OSBPL10: variants seen among roughly 807,000 people sequenced by gnomAD.
OSBPL10 encodes oxysterol-binding protein-related protein 10.
In OSBPL10, 49 loss-of-function variants were observed where a neutral mutation model predicts 81.7. The ratio of observed to expected loss-of-function variants is 0.60; its 90% CI spans 0.48 to 0.76. OSBPL10 has a LOEUF of 0.76. Among genes scored for constraint, OSBPL10 ranks in the 30% least tolerant of loss-of-function variants. OSBPL10 has a pLI of 0.00. For synonymous variants in OSBPL10, 419 were observed against 383.6 expected, an observed-to-expected ratio of 1.09 and a Z score of -1.08; for missense variants, 923 against 987.8, an observed-to-expected ratio of 0.93 and a Z score of 0.88.
chr3:31,678,252 T>C (rs968077611), intron 8 of OSBPL10, among the ~76,000 whole-genome samples: 1 of 151,970 alleles, frequency 6.6e-6, no homozygotes, highest in African/African-American at 2.4e-5. Flanking sequence ...GTGGCTTAAG[T>C]GAAACGGCTA....
intron 6 of OSBPL10, among the ~76,000 whole-genome samples, chr3:31,725,088 T>C (rs1696765128): frequency 6.6e-6 from 1 of 152,186 alleles, no homozygotes; most frequent in Non-Finnish European, 1.5e-5. Flanking sequence ...ACAGAATAAT[T>C]ATAACTATTA....
intron 1 of OSBPL10, among the ~76,000 whole-genome samples, chr3:31,884,995 T>G (rs1251393826): frequency 6.6e-6 from 1 of 152,180 alleles, no homozygotes; most frequent in Non-Finnish European, 1.5e-5. Context: ...AAAGCCATCT[T>G]AATTCTCACC....
chr3:31,775,199 G>A (rs1424422430), intron 4 of OSBPL10, among the ~76,000 whole-genome samples: 2 of 152,010 alleles, frequency 1.3e-5, no homozygotes, highest in African/African-American at 4.8e-5. Context: ...GCTGTGGAAG[G>A]AAGTGCTAGA....
chr3:31,810,169 C>T (rs1457794770), intron 4 of OSBPL10, among the ~76,000 whole-genome samples: 2 of 152,018 alleles, frequency 1.3e-5, no homozygotes, highest in South Asian at 2.1e-4. Context: ...CCGCACCTCG[C>T]CCCCTCTGAC....
chr3:31,744,400 G>T (rs1207876409), intron 5 of OSBPL10, among the ~76,000 whole-genome samples: 2 of 151,898 alleles, frequency 1.3e-5, no homozygotes, highest in South Asian at 4.2e-4. Context: ...AATTAGCCAG[G>T]CATGGTGGGC....
chr3:31,721,755 T>A (rs1696651165), intron 6 of OSBPL10: 1 of 152,180 alleles, frequency 6.6e-6, no homozygotes, highest in African/African-American at 2.4e-5. Context: ...ATACTTCATA[T>A]CTACAAATAA....
At position 31,915,195 on chromosome 3, in the gene OSBPL10, C is replaced by CG. The variant is rs771611439; in HGVS notation, c.282-35366_282-35365insC. ...TTAATAAATAGCCATTGAATGGTAA[C>CG]AGGGGGGAAAAAAAACCATTACCAT... is the stretch of plus-strand genomic sequence containing the variant. On this transcript the variant is annotated intron_variant, in intron 1 of 11. Coordinates refer to ENST00000396556, the MANE Select transcript of OSBPL10 (RefSeq NM_017784.5). Among the ~76,000 whole-genome samples, 658 of 150,886 alleles carry CG rather than the reference C, an allele frequency of 4.4e-3. 14 individuals are homozygous for CG. The highest frequency in any genetic ancestry group is 0.013 in the East Asian group (63 of 5,040).
At chr3:31,681,485 T>C (rs1700640603) in intron 8 of OSBPL10, among the ~76,000 whole-genome samples, 1 of 152,220 alleles carries the variant, frequency 6.6e-6, no homozygotes. Flanking sequence ...GACTTTATTC[T>C]AGTCAGATTT....
rs200746278 is a variant in OSBPL10 at position 31,993,677 on chromosome 3, CACAT to C, written n.298+52810_298+52813del. Among the ~76,000 whole-genome samples, 420 of 131,442 alleles carry C rather than the reference CACAT, an allele frequency of 3.2e-3. 6 individuals are homozygous for C. Among genetic ancestry groups the C allele is most frequent in the African/African-American group, 0.015 (402 of 27,040 alleles). The allele number at this position is 131,442 out of a possible 152,430, so 86.2% of individuals were successfully genotyped here. The stretch of plus-strand genomic sequence containing the variant: ...ACATACCTATTAACATGACTACACA[CACAT>C]ACACACACACACACACACACACACA... On this transcript the variant is annotated intron_variant and non_coding_transcript_variant, in intron 2 of 3. Coordinates refer to the OSBPL10 transcript ENST00000479173.
At chr3:31,799,313 G>A (rs529311330) in intron 4 of OSBPL10, among the ~76,000 whole-genome samples, 40 of 144,726 alleles carry the variant, frequency 2.8e-4, no homozygotes, top group Non-Finnish European at 4.2e-4. Context: ...AAGCCAGGGC[G>A]AGAGGATCAC....
rs911499333 is a variant in OSBPL10, at chr3:31,783,496, A to T, written c.730-35376T>A. Among the ~76,000 whole-genome samples the T allele has an allele frequency of 4.0e-5, 6 of 151,884 alleles. 2 individuals carry two copies. Among genetic ancestry groups the T allele is most frequent in the Admixed American group, 1.3e-4 (2 of 15,228 alleles). On this transcript the variant is annotated intron_variant, in intron 4 of 11. Transcript: ENST00000396556. ...ACCCAACACCACCTGTTCCCCAAAAACTATTAAAATAAGGCCAGGCATGGT... is the reference window on the plus strand; with the variant it reads ...ACCCAACACCACCTGTTCCCCAAAATCTATTAAAATAAGGCCAGGCATGGT...
chr3:32,013,741 A>C (rs564984139), intron 2 of OSBPL10, among the ~76,000 whole-genome samples: 67 of 152,376 alleles, frequency 4.4e-4, no homozygotes, highest in Non-Finnish European at 7.2e-4. Context: ...AAATAGATGC[A>C]ATAAAAAATG....
chr3:31,752,702 G>A (rs911885920), intron 4 of OSBPL10, among the ~76,000 whole-genome samples: 3 of 152,196 alleles, frequency 2.0e-5, no homozygotes, highest in Non-Finnish European at 1.5e-5. Context: ...TCTGGGTAAA[G>A]CAAGGGCTGC....
intron 6 of OSBPL10, among the ~76,000 whole-genome samples, chr3:31,705,442 G>C (rs1329963727): frequency 6.7e-6 from 1 of 148,604 alleles, no homozygotes; most frequent in Non-Finnish European, 1.5e-5. Flanking sequence ...TAGTCAGCAG[G>C]TCAACTCTGT....
chr3:31,882,050 A>G (rs1161084652), intron 1 of OSBPL10, among the ~76,000 whole-genome samples: 1 of 152,136 alleles, frequency 6.6e-6, no homozygotes, highest in Non-Finnish European at 1.5e-5. Flanking sequence ...TCATTCTCCA[A>G]ATCTCCCTGT....
At chr3:32,033,857 GT>G (rs1323764618) in intron 2 of OSBPL10, among the ~76,000 whole-genome samples, 85 of 152,244 alleles carry the variant, frequency 5.6e-4, no homozygotes, top group Middle Eastern at 3.4e-3. Flanking sequence ...GAGCCCAGGA[GT>G]TTGAGATCAG....
chr3:31,829,881 T>A (rs554433253), intron 4 of OSBPL10, among the ~76,000 whole-genome samples, 159 bp downstream of exon 4: 1 of 152,292 alleles, frequency 6.6e-6, no homozygotes, highest in East Asian at 1.9e-4. Flanking sequence ...TAACTTTTTT[T>A]AAACCAGGAA....
chr3:32,026,015 G>GATAGATAGATAGATAGATAA (rs139812266), intron 2 of OSBPL10, among the ~76,000 whole-genome samples: 11 of 107,100 alleles, frequency 1.0e-4, no homozygotes, highest in African/African-American at 4.0e-4. Context: ...TACAGACATA[G>GATAGATAGATAGATAGATAA]ATAGATAGAT....
intron 4 of OSBPL10, among the ~76,000 whole-genome samples, chr3:31,788,076 A>G (rs1301569385): frequency 1.3e-5 from 2 of 152,176 alleles, no homozygotes; most frequent in Non-Finnish European, 2.9e-5. Context: ...CAAAGGACAT[A>G]TTGATTAGGT....
Sources: allele counts gnomAD v4.1 joint callset (sites outside exome capture counted in the v4.1 genomes callset), GRCh38; gene constraint gnomAD v4.1.1; transcripts MANE v1.5; gene names NCBI Gene and HGNC (gene_info 2026-07-23, HGNC 2026-07-21).